Variants in ZSCAN5A observed in about 807,000 individuals in gnomAD.
The protein encoded by ZSCAN5A is zinc finger and SCAN domain-containing protein 5A.
ZSCAN5A carries 12 observed loss-of-function variants against 23.7 expected under a neutral mutation model. The observed-to-expected ratio is 0.51, with a 90% CI of 0.32 to 0.82. ZSCAN5A has a LOEUF of 0.82. Ranked by LOEUF, ZSCAN5A falls within the 40% of genes least tolerant of loss-of-function variation. The pLI is 0.03. For missense variants in ZSCAN5A, 597 were observed against 617.9 expected (o/e 0.97, Z 0.36); for synonymous variants, 257 against 239.9 (o/e 1.07, Z -0.66).
Position 56,222,103 on chromosome 19 carries a change from G to A in ZSCAN5A, c.963C>T (p.Asn321=). Reference sequence around the variant, plus strand: ...TCCCAGCTTGTCCCGGGGATTCTCTGTTGCCCACAGGTGTGGCTTCTCCTT... The same window carrying A: ...TCCCAGCTTGTCCCGGGGATTCTCTATTGCCCACAGGTGTGGCTTCTCCTT... ...EPQGEATPVG[N]RESPGQAGMN... is the part of the protein sequence containing the mutation. Residue 321 remains asparagine (N), a synonymous_variant, in exon 6 of 6, where the codon AAC becomes AAT. Coordinates refer to ENST00000683990, the MANE Select transcript of ZSCAN5A (RefSeq NM_001322064.3). 1 of 1,614,172 alleles carries A rather than the reference G, an allele frequency of 6.2e-7. No homozygotes were observed. Among genetic ancestry groups the A allele is most frequent in the East Asian group, 2.2e-5 (1 of 44,864 alleles).
chr19:56,367,313 G>C (rs1440920154), intron 1 of ZSCAN5A: 1 of 152,214 alleles, frequency 6.6e-6, no homozygotes, highest in Non-Finnish European at 1.5e-5. Flanking sequence ...AGTGAGCTAT[G>C]ATGGTGCCAC....
At chr19:56,367,411 A>G (rs2041777030) in intron 1 of ZSCAN5A, 1 of 152,216 alleles carries the variant, frequency 6.6e-6, no homozygotes, top group South Asian at 2.1e-4. Context: ...GCAGCAAAAG[A>G]GGCAAAAACT....
intron 2 of ZSCAN5A, among the ~76,000 whole-genome samples, chr19:56,265,838 T>C (rs2037433751): frequency 6.6e-6 from 1 of 152,162 alleles, no homozygotes; most frequent in Non-Finnish European, 1.5e-5. Flanking sequence ...AGGACAAAGG[T>C]TGGTTGGCTT....
chr19:56,283,537 G>C (rs910933507), intron 2 of ZSCAN5A: 4 of 152,182 alleles, frequency 2.6e-5, no homozygotes, highest in African/African-American at 9.7e-5. Context: ...ACGATTTTCA[G>C]TGATACCGAG....
At chr19:56,319,816 T>A, upstream of ZSCAN5A, 1 of 778,340 alleles carries the variant, frequency 1.3e-6, no homozygotes, top group South Asian at 1.3e-5. Flanking sequence ...TTGGGACTCT[T>A]CTGTCGAGGT....
chr19:56,356,630 T>G (rs1568766450), intron 2 of ZSCAN5A, among the ~76,000 whole-genome samples: 1 of 148,566 alleles, frequency 6.7e-6, no homozygotes, highest in Non-Finnish European at 1.5e-5. Context: ...TATTGTAAAA[T>G]TCATTAATTT....
At chr19:56,230,614 G>GAT (rs201855492) in intron 2 of ZSCAN5A, among the ~76,000 whole-genome samples, 1,572 of 66,614 alleles carry the variant, frequency 0.024, 16 homozygotes, top group African/African-American at 0.076. Flanking sequence ...TTTATTTCTT[G>GAT]ATGTGTGTGT....
At chr19:56,302,009 C>G (rs1189907612) in intron 2 of ZSCAN5A, 1 of 1,231,906 alleles carries the variant, frequency 8.1e-7, no homozygotes, top group Non-Finnish European at 1.0e-6. Flanking sequence ...GAAACCACTC[C>G]CCAAGAGGAA....
chr19:56,272,433 C>G (rs533320977), intron 2 of ZSCAN5A, among the ~76,000 whole-genome samples: 4 of 152,264 alleles, frequency 2.6e-5, no homozygotes, highest in Non-Finnish European at 5.9e-5. Context: ...ACACTTTATT[C>G]ATGGACACTG....
At chr19:56,358,784 G>GT (rs1166028992) in intron 2 of ZSCAN5A, among the ~76,000 whole-genome samples, 2 of 152,086 alleles carry the variant, frequency 1.3e-5, no homozygotes, top group African/African-American at 2.4e-5. Context: ...TCAAAAACAC[G>GT]TAACTACATG....
chr19:56,240,165 A>C (rs1252247901), intron 2 of ZSCAN5A, among the ~76,000 whole-genome samples: 1 of 146,474 alleles, frequency 6.8e-6, no homozygotes, highest in East Asian at 2.0e-4. Flanking sequence ...CTGTCTCAAA[A>C]AAAACCAAAA....
chr19:56,264,172 T>A (rs1231101488), intron 2 of ZSCAN5A, among the ~76,000 whole-genome samples: 1 of 152,042 alleles, frequency 6.6e-6, no homozygotes, highest in African/African-American at 2.4e-5. Flanking sequence ...TTTTTTGTAT[T>A]TTTAGTAGAG....
chr19:56,301,258 T>C (rs1046659018), intron 2 of ZSCAN5A, among the ~76,000 whole-genome samples: 1 of 152,146 alleles, frequency 6.6e-6, no homozygotes, highest in Non-Finnish European at 1.5e-5. Context: ...CCTGAATATA[T>C]GATAAACAAG....
At chr19:56,316,554 G>C (rs1227834140), upstream of ZSCAN5A, 3 of 158,508 alleles carry the variant, frequency 1.9e-5, no homozygotes, top group African/African-American at 4.8e-5. Context: ...TAGTGAGGAG[G>C]GGGGAAAGAG....
chr19:56,239,749 G>C (rs1444080967), intron 2 of ZSCAN5A, among the ~76,000 whole-genome samples: 1 of 152,188 alleles, frequency 6.6e-6, no homozygotes, highest in Non-Finnish European at 1.5e-5. Flanking sequence ...ATATGTGAAA[G>C]GCTTTGCTTA....
In ZSCAN5A at chr19:56,320,599, C is replaced by T. The variant is rs549125052; in HGVS notation, c.-357-4331G>A. 1.7e-4 allele frequency: 103 copies of T among 595,394 alleles called. No individual in the cohort carries two copies. In the Middle Eastern group the frequency reaches 3.0e-3, roughly 17 times the overall value. 36.9% of individuals were successfully genotyped at this position (595,394 alleles called of 1,614,324 possible). A position where few individuals can be genotyped will look rare whatever the true frequency, so the allele number is the denominator to read the frequency against. Reference sequence around the variant, plus strand: ...TGCACTCCAGCCTGGGTGACAAGAGCGAAATTCTGTCTCAAAAATAATAAT... The same window carrying T: ...TGCACTCCAGCCTGGGTGACAAGAGTGAAATTCTGTCTCAAAAATAATAAT... On this transcript the variant is annotated intron_variant, in intron 2 of 6. Coordinates refer to the ZSCAN5A transcript ENST00000587340.
At chr19:56,303,510 A>C in intron 2 of ZSCAN5A, among the ~76,000 whole-genome samples, 1 of 149,436 alleles carries the variant, frequency 6.7e-6, no homozygotes, top group Admixed American at 6.6e-5. Context: ...GAAAGGAAGG[A>C]AAGGAGGGAG....
intron 2 of ZSCAN5A, among the ~76,000 whole-genome samples, chr19:56,327,212 G>A (rs901178461): frequency 2.6e-5 from 4 of 151,926 alleles, no homozygotes; most frequent in African/African-American, 9.7e-5. Flanking sequence ...AAACTCCTGG[G>A]CTCAAGCAAT....
chr19:56,258,639 T>C (rs2036903888), intron 2 of ZSCAN5A, among the ~76,000 whole-genome samples: 1 of 151,868 alleles, frequency 6.6e-6, no homozygotes, highest in South Asian at 2.1e-4. Context: ...GTGTAGGGGG[T>C]AACAGACACA....
Sources: gnomAD v4.1 joint callset for allele counts (sites outside exome capture counted in the v4.1 genomes callset) on GRCh38, gnomAD v4.1.1 for gene constraint, MANE v1.5 for transcripts, NCBI Gene and HGNC (gene_info 2026-07-23, HGNC 2026-07-21) for gene names.